ANKS1B: variants seen among roughly 807,000 people sequenced by gnomAD.
ANKS1B encodes ankyrin repeat and sterile alpha motif domain containing 1B, also known as ankyrin repeat and sterile alpha motif domain-containing protein 1B.
In ANKS1B, 36 loss-of-function variants were observed where a neutral mutation model predicts 148.3. The observed-to-expected ratio is 0.24, with a 90% CI of 0.19 to 0.32. The LOEUF (loss-of-function observed/expected upper bound fraction) is 0.32. Ranked by LOEUF, ANKS1B falls within the 10% of genes least tolerant of loss-of-function variation. ANKS1B has a pLI of 1.00. For synonymous variants in ANKS1B, 542 were observed against 560.8 expected (o/e 0.97, Z 0.47); for missense variants, 1,157 against 1,542.6 (o/e 0.75, Z 4.19).
intron 12 of ANKS1B, among the ~76,000 whole-genome samples, chr12:99,262,137 A>T (rs1444594166): frequency 6.6e-6 from 1 of 151,976 alleles, no homozygotes; most frequent in East Asian, 1.9e-4. Context: ...TTACTTCATA[A>T]TTTTTTCAAT....
intron 12 of ANKS1B, among the ~76,000 whole-genome samples, chr12:99,318,539 T>A (rs1047323347): frequency 5.9e-5 from 9 of 152,126 alleles, no homozygotes. Flanking sequence ...TTTTTTATTG[T>A]GTCTATTTGA....
intron 12 of ANKS1B, among the ~76,000 whole-genome samples, chr12:99,352,781 GCTCTCATTGGCAAATT>G (rs147787829): frequency 0.32 from 47,912 of 151,740 alleles, 8,500 homozygotes; most frequent in East Asian, 0.5. Flanking sequence ...TGAGTTCTCA[GCTCTCATTGGCAAATT>G]TGCTCCTCTA....
intron 1 of ANKS1B, among the ~76,000 whole-genome samples, chr12:99,884,896 C>T (rs1007806): frequency 0.23 from 34,934 of 151,210 alleles, 4,101 homozygotes; most frequent in African/African-American, 0.26. Flanking sequence ...TGCATTTTAA[C>T]GTTTTTAAAT....
intron 1 of ANKS1B, among the ~76,000 whole-genome samples, chr12:99,891,271 C>T (rs923944891): frequency 2.0e-5 from 3 of 152,062 alleles, no homozygotes; most frequent in Non-Finnish European, 2.9e-5. Context: ...CATATCAATG[C>T]CAAAATTTAT....
At chr12:99,656,824 G>A (rs547575575) in intron 8 of ANKS1B, among the ~76,000 whole-genome samples, 37 of 152,078 alleles carry the variant, frequency 2.4e-4, no homozygotes, top group Non-Finnish European at 3.7e-4. Flanking sequence ...TGAATGTAGC[G>A]TTCAGCACAA....
intron 9 of ANKS1B, among the ~76,000 whole-genome samples, chr12:99,618,637 T>C (rs2098004358): frequency 6.6e-6 from 1 of 151,948 alleles, no homozygotes; most frequent in African/African-American, 2.4e-5. Context: ...CCACTGAGGA[T>C]TGGAGCAACC....
At chr12:99,170,966 C>T (rs1467797790) in intron 14 of ANKS1B, among the ~76,000 whole-genome samples, 1 of 152,124 alleles carries the variant, frequency 6.6e-6, no homozygotes, top group Non-Finnish European at 1.5e-5. Context: ...TTTGAAGGTA[C>T]TGGTTTAAAA....
At chr12:99,905,329 G>T (rs1436695991) in intron 1 of ANKS1B, among the ~76,000 whole-genome samples, 2 of 152,142 alleles carry the variant, frequency 1.3e-5, no homozygotes, top group African/African-American at 4.8e-5. Flanking sequence ...GTGGAAGTTT[G>T]GTCAATTAAA....
chr12:98,800,673 G>GAA (rs753914387), intron 21 of ANKS1B, among the ~76,000 whole-genome samples: 1 of 13,716 alleles, frequency 7.3e-5, no homozygotes, highest in Non-Finnish European at 1.6e-4. Context: ...TGAGTGAGCA[G>GAA]AGATATATAT....
intron 8 of ANKS1B, among the ~76,000 whole-genome samples, chr12:99,752,255 C>T (rs1439259011): frequency 6.6e-6 from 1 of 151,986 alleles, no homozygotes; most frequent in African/African-American, 2.4e-5. Context: ...CAGGCAACAT[C>T]CCAGACTCTC....
At chr12:99,959,227 A>ATTTTTTTTTTTTTTTTTTTTTTTTTTTT (rs71088166) in intron 1 of ANKS1B, among the ~76,000 whole-genome samples, 1 of 99,896 alleles carries the variant, frequency 1.0e-5, no homozygotes, top group Non-Finnish European at 1.9e-5. Context: ...CACCCAGTTA[A>ATTTTTTTTTTTTTTTTTTTTTTTTTTTT]TTTTTTTTTT....
chr12:99,006,992 A>G (rs192891692), intron 17 of ANKS1B, among the ~76,000 whole-genome samples: 106 of 152,286 alleles, frequency 7.0e-4, no homozygotes, highest in African/African-American at 2.2e-3. Context: ...CTTCTCAACC[A>G]CTCTGCTGAA....
chr12:99,347,486 C>T (rs907842543), intron 12 of ANKS1B, among the ~76,000 whole-genome samples: 1 of 151,962 alleles, frequency 6.6e-6, no homozygotes, highest in African/African-American at 2.4e-5. Flanking sequence ...TTGTAAACTG[C>T]TTAGCTGAGT....
chr12:99,066,874 G>T (rs1739662416), intron 16 of ANKS1B, among the ~76,000 whole-genome samples: 1 of 152,196 alleles, frequency 6.6e-6, no homozygotes, highest in Admixed American at 6.5e-5. Context: ...ATGGGTCTCA[G>T]CTTGAAGAGG....
intron 1 of ANKS1B, among the ~76,000 whole-genome samples, chr12:99,959,227 A>ATTTTTTTT (rs71088166): frequency 1.4e-3 from 138 of 99,864 alleles, no homozygotes; most frequent in Non-Finnish European, 1.7e-3. Flanking sequence ...CACCCAGTTA[A>ATTTTTTTT]TTTTTTTTTT....
chr12:99,517,149 T>A (rs1418951349), intron 9 of ANKS1B, among the ~76,000 whole-genome samples: 1 of 152,186 alleles, frequency 6.6e-6, no homozygotes, highest in Non-Finnish European at 1.5e-5. Context: ...TCTATATATA[T>A]GAAATATCTT....
At chr12:98,910,176 G>T (rs747437244) in intron 17 of ANKS1B, among the ~76,000 whole-genome samples, 9 of 152,166 alleles carry the variant, frequency 5.9e-5, no homozygotes, top group Non-Finnish European at 8.8e-5. Flanking sequence ...ATATAGTTTT[G>T]CTTTAAATAA....
chr12:98,922,555 G>A (rs1305874353), intron 17 of ANKS1B, among the ~76,000 whole-genome samples: 1 of 152,124 alleles, frequency 6.6e-6, no homozygotes, highest in Non-Finnish European at 1.5e-5. Flanking sequence ...CTGGAGTGCA[G>A]TGGCACAATC....
At chr12:99,497,627 T>C (rs2096616699) in intron 10 of ANKS1B, among the ~76,000 whole-genome samples, 1 of 152,180 alleles carries the variant, frequency 6.6e-6, no homozygotes, top group Non-Finnish European at 1.5e-5. Flanking sequence ...ACTGGTCATA[T>C]TGGATTAGGG....
Sources: gnomAD v4.1 joint callset for allele counts (sites outside exome capture counted in the v4.1 genomes callset) on GRCh38, gnomAD v4.1.1 for gene constraint, MANE v1.5 for transcripts, NCBI Gene and HGNC (gene_info 2026-07-23, HGNC 2026-07-21) for gene names.